The following EPS8 variants were observed in gnomAD, a reference collection of about 807,000 sequenced individuals.
EPS8 encodes EGFR pathway substrate 8, signaling adaptor.
A neutral mutation model predicts 103.8 loss-of-function variants in EPS8; 42 were observed. That is an observed-to-expected ratio of 0.40 (90% CI 0.32 to 0.52). EPS8 has a LOEUF of 0.52. EPS8 is among the 20% of genes least tolerant of loss of function. The pLI is 0.40. For synonymous variants in EPS8, 344 were observed against 344.6 expected, an observed-to-expected ratio of 1.00 and a Z score of 0.02; for missense variants, 969 against 1,005.1, an observed-to-expected ratio of 0.96 and a Z score of 0.49.
At chr12:15,654,547 C>T in intron 12 of EPS8, 1 of 461,942 alleles carries the variant, frequency 2.2e-6, no homozygotes, top group Non-Finnish European at 3.9e-6. Flanking sequence ...CTGCATATGA[C>T]TATAGTTTCT....
intron 13 of EPS8, among the ~76,000 whole-genome samples, chr12:15,651,895 G>A (rs534849643): frequency 6.6e-6 from 1 of 152,152 alleles, no homozygotes. Context: ...CTTTCCGTGT[G>A]TTAACAGCTA....
chr12:15,694,740 T>C (rs189810034), intron 1 of EPS8, among the ~76,000 whole-genome samples: 81 of 152,256 alleles, frequency 5.3e-4, no homozygotes, highest in Non-Finnish European at 9.3e-4. Context: ...CCTGCTTACA[T>C]AGTCATTAAA....
chr12:15,710,039 G>C (rs567023174), intron 1 of EPS8, among the ~76,000 whole-genome samples: 1 of 151,942 alleles, frequency 6.6e-6, no homozygotes, highest in Non-Finnish European at 1.5e-5. Context: ...TCTGCTGTGC[G>C]GCCCAGTTCC....
At position 15,759,132 on chromosome 12, in the gene EPS8, A is replaced by T. The variant is rs1348363907; in HGVS notation, c.-22+30029T>A. On this transcript the variant is annotated intron_variant, in intron 1 of 20. Coordinates refer to ENST00000281172, the MANE Select transcript of EPS8 (RefSeq NM_004447.6). The surrounding 1 kb of genome is among the most constrained non-coding windows in gnomAD (Gnocchi z 4.9). ...AAATTAGCTTATGTGTTAATATTTC[A>T]TAATATGGTATTGTTATATCCCCTA... Among the ~76,000 whole-genome samples the T allele has an allele frequency of 1.3e-5, 2 of 152,126 alleles. No individual in the cohort carries two copies. The highest frequency in any genetic ancestry group is 2.9e-5 in the Non-Finnish European group (2 of 68,012).
Position 15,695,282 on chromosome 12 carries a change from G to A in EPS8, c.-21-12310C>T, listed in dbSNP as rs1946227245. Among the ~76,000 whole-genome samples the A allele has an allele frequency of 6.6e-6, 1 of 152,190 alleles. No homozygotes were observed. The highest frequency in any genetic ancestry group is 1.5e-5 in the Non-Finnish European group (1 of 68,036). ...CTTTTAAACATGATTATTCAAACAA[G>A]ATTCATTCAACATTAATTGGCACCT... On this transcript the variant is annotated intron_variant, in intron 1 of 20. Transcript: ENST00000281172. This position sits in a 1 kb window ranked among gnomAD's most constrained non-coding sequence, Gnocchi z 5.0.
intron 1 of EPS8, among the ~76,000 whole-genome samples, chr12:15,786,574 A>C (rs1947313575): frequency 6.6e-6 from 1 of 152,110 alleles, no homozygotes; most frequent in African/African-American, 2.4e-5. Flanking sequence ...CCAATAATAC[A>C]AGATGTTAAT....
Position 15,769,223 on chromosome 12 carries a change from C to T in EPS8, c.-22+19938G>A, listed in dbSNP as rs1947128867. On this transcript the variant is annotated intron_variant, in intron 1 of 20. Transcript: ENST00000281172. The surrounding 1 kb of genome is among the most constrained non-coding windows in gnomAD (Gnocchi z 4.6). ...GAATAATGTTGGCAAAATAAATTGA[C>T]ATATGCTTAACAAAAAGCACACAAA... Among the ~76,000 whole-genome samples the T allele has an allele frequency of 6.6e-6, 1 of 152,038 alleles. No homozygotes were observed.
chr12:15,638,402 T>C (rs1347272375), intron 17 of EPS8, among the ~76,000 whole-genome samples: 1 of 152,180 alleles, frequency 6.6e-6, no homozygotes, highest in Admixed American at 6.5e-5. Flanking sequence ...GTCTTAGTGG[T>C]TTTGTTGAGC....
At chr12:15,742,179 T>C (rs2136007512) in intron 1 of EPS8, among the ~76,000 whole-genome samples, 1 of 152,346 alleles carries the variant, frequency 6.6e-6, no homozygotes, top group East Asian at 1.9e-4. Context: ...AACATATGTG[T>C]GCATGTGTCT....
chr12:15,635,285 C>CAT (rs908064557), intron 17 of EPS8, among the ~76,000 whole-genome samples: 2 of 151,958 alleles, frequency 1.3e-5, no homozygotes, highest in Admixed American at 6.6e-5. Context: ...TATAAAAACA[C>CAT]ATATATATAT....
Position 15,716,067 on chromosome 12 carries a change from C to A in EPS8, c.-21-33095G>T, listed in dbSNP as rs1946530572. On this transcript the variant is annotated intron_variant, in intron 1 of 20. Coordinates refer to ENST00000281172, the MANE Select transcript of EPS8 (RefSeq NM_004447.6). This position sits in a 1 kb window ranked among gnomAD's most constrained non-coding sequence, Gnocchi z 5.0. The stretch of plus-strand genomic sequence containing the variant: ...ACGAAGAATATAATCAAAATAAACA[C>A]TATAATCATAAAATTCCAACCCAAC... 6.6e-6 allele frequency among the ~76,000 whole-genome samples: 1 copy of A among 152,098 alleles called. No individual in the cohort carries two copies. Among genetic ancestry groups the A allele is most frequent in the African/African-American group, 2.4e-5 (1 of 41,422 alleles).
rs577561081 is a variant in EPS8 at position 15,771,081 on chromosome 12, A to G, written c.-22+18080T>C. Among the ~76,000 whole-genome samples, 3 of 152,198 alleles carry G rather than the reference A, an allele frequency of 2.0e-5. No individual in the cohort carries two copies. Among genetic ancestry groups the G allele is most frequent in the Non-Finnish European group, 4.4e-5 (3 of 68,028 alleles). ...AATAAGTGCCTAGGCGATCCTGAGA[A>G]AAAAAATATTAAGTGGGAGAGGTAC... On this transcript the variant is annotated intron_variant, in intron 1 of 20. Coordinates refer to ENST00000281172, the MANE Select transcript of EPS8 (RefSeq NM_004447.6). The surrounding 1 kb of genome is among the most constrained non-coding windows in gnomAD (Gnocchi z 4.6).
intron 1 of EPS8, among the ~76,000 whole-genome samples, chr12:15,746,840 C>A (rs1365033594): frequency 6.6e-6 from 1 of 152,082 alleles, no homozygotes; most frequent in East Asian, 1.9e-4. Context: ...TACAAGCATC[C>A]CCCTAAGCAT....
intron 1 of EPS8, among the ~76,000 whole-genome samples, chr12:15,718,343 TAACC>T (rs1193118436): frequency 6.6e-6 from 1 of 152,128 alleles, no homozygotes; most frequent in Non-Finnish European, 1.5e-5. Context: ...AAAAAAGAAA[TAACC>T]AAATAGTCAC....
chr12:15,747,082 CA>C lies in EPS8; in HGVS notation c.-22+42078del, dbSNP rs1946883360. Among the ~76,000 whole-genome samples, 1 of 152,154 alleles carries C rather than the reference CA, an allele frequency of 6.6e-6. No individual in the cohort carries two copies. The highest frequency in any genetic ancestry group is 6.5e-5 in the Admixed American group (1 of 15,276). On this transcript the variant is annotated intron_variant, in intron 1 of 20. Coordinates refer to ENST00000281172, the MANE Select transcript of EPS8 (RefSeq NM_004447.6). The surrounding 1 kb of genome is among the most constrained non-coding windows in gnomAD (Gnocchi z 4.4). ...GCAGGAAGTGTTCAGAGAAAATAAA[CA>C]AACTTTTCAAACCAGAACTACAAAG...
chr12:15,623,028 A>G, intron 20 of EPS8, 130 bp downstream of exon 20: 1 of 901,300 alleles, frequency 1.1e-6, no homozygotes, highest in South Asian at 2.1e-5. Flanking sequence ...TCAGTGACAA[A>G]TTTACAAAAG....
In EPS8 at chr12:15,738,606, T is replaced by C. The variant is rs1172837171; in HGVS notation, c.-22+50555A>G. 1.3e-5 allele frequency among the ~76,000 whole-genome samples: 2 copies of C among 152,224 alleles called. No individual in the cohort carries two copies. Among genetic ancestry groups the C allele is most frequent in the Non-Finnish European group, 2.9e-5 (2 of 68,028 alleles). ...CTTCCTTCCAACTCACTTTATGCCC[T>C]AGGGCATTCTGCATTATTATGCCCT... On this transcript the variant is annotated intron_variant, in intron 1 of 20. Coordinates refer to ENST00000281172, the MANE Select transcript of EPS8 (RefSeq NM_004447.6). This position sits in a 1 kb window ranked among gnomAD's most constrained non-coding sequence, Gnocchi z 6.2.
intron 18 of EPS8, among the ~76,000 whole-genome samples, chr12:15,630,625 G>T (rs1317631222): frequency 6.6e-6 from 1 of 152,180 alleles, no homozygotes; most frequent in Non-Finnish European, 1.5e-5. Context: ...CTAAATCTGA[G>T]ACTACTATTG....
Position 15,656,992 on chromosome 12 carries a change from C to T in EPS8, c.1101+1087G>A, listed in dbSNP as rs1363863067. ...CCATCTGGATTATTTTAATAATGAC[C>T]CTAGCTTTTTCTTCCCCAAAATTTC... On this transcript the variant is annotated intron_variant, in intron 12 of 20. Coordinates refer to ENST00000281172, the MANE Select transcript of EPS8 (RefSeq NM_004447.6). Among the ~76,000 whole-genome samples, 5 of 152,092 alleles carry T rather than the reference C, an allele frequency of 3.3e-5. 1 individual carries two copies. The highest frequency in any genetic ancestry group is 7.4e-5 in the Non-Finnish European group (5 of 68,000).
Sources: allele counts gnomAD v4.1 joint callset (sites outside exome capture counted in the v4.1 genomes callset), GRCh38; gene constraint gnomAD v4.1.1; non-coding constraint Gnocchi (gnomAD v3.1); transcripts MANE v1.5; gene names NCBI Gene and HGNC (gene_info 2026-07-23, HGNC 2026-07-21).